UCHL3: variants seen among roughly 807,000 people sequenced by gnomAD.
UCHL3 encodes ubiquitin C-terminal hydrolase L3.
UCHL3 carries 22 observed loss-of-function variants against 35.8 expected under a neutral mutation model. That is an observed-to-expected ratio of 0.61 (90% CI 0.44 to 0.88). The LOEUF (loss-of-function observed/expected upper bound fraction) is 0.88. Among genes scored for constraint, UCHL3 ranks in the 40% least tolerant of loss-of-function variants. UCHL3 has a pLI of 0.00. For missense variants in UCHL3, 229 were observed against 276.9 expected (o/e 0.83, Z 1.23); for synonymous variants, 90 against 92.8 (o/e 0.97, Z 0.17).
chr13:75,594,841 A>G, intron 6 of UCHL3, 74 bp from the exon 7 acceptor site: 3 of 1,007,070 alleles, frequency 3.0e-6, no homozygotes, highest in Non-Finnish European at 4.5e-6. Flanking sequence ...TGTTATTTGT[A>G]TGTGTTTATG....
intron 7 of UCHL3, among the ~76,000 whole-genome samples, chr13:75,602,415 G>T (rs1287208958): frequency 6.6e-6 from 1 of 152,188 alleles, no homozygotes; most frequent in African/African-American, 2.4e-5. Context: ...TCCCCGTCCA[G>T]CCTGGAAGTG....
intron 6 of UCHL3, among the ~76,000 whole-genome samples, chr13:75,585,660 G>T (rs978697705): frequency 1.3e-5 from 2 of 151,836 alleles, no homozygotes; most frequent in Non-Finnish European, 2.9e-5. Context: ...AAGATGATTA[G>T]GATTACTAAA....
At position 75,603,001 on chromosome 13, in the gene UCHL3, T is replaced by C. The variant is rs527668628; in HGVS notation, c.551-1768T>C. 3.5e-5 allele frequency among the ~76,000 whole-genome samples: 5 copies of C among 143,464 alleles called. No homozygotes were observed. The South Asian group carries it at 8.5e-4, about 24-fold the overall frequency. 94.1% of individuals were successfully genotyped at this position (143,464 alleles called of 152,430 possible). A position where few individuals can be genotyped will look rare whatever the true frequency, so the allele number is the denominator to read the frequency against. The stretch of plus-strand genomic sequence containing the variant: ...TTATTTTATTATGTTATTATTTTAT[T>C]TTTTTAGAGACAGAATCTCACTTTG... On this transcript the variant is annotated intron_variant, in intron 7 of 8. Transcript: ENST00000377595.
intron 2 of UCHL3, among the ~76,000 whole-genome samples, chr13:75,553,244 T>C (rs1359034342): frequency 6.6e-6 from 1 of 152,226 alleles, no homozygotes; most frequent in African/African-American, 2.4e-5. Flanking sequence ...TTGTAAACTT[T>C]CCACAAAGAA....
At chr13:75,560,690 A>G (rs2031461625) in intron 2 of UCHL3, 63 bp from the exon 3 acceptor site, 4 of 1,437,818 alleles carry the variant, frequency 2.8e-6, no homozygotes, top group Non-Finnish European at 3.8e-6. Context: ...TATGTATAGT[A>G]TACTAGTTTT....
At chr13:75,588,330 C>T (rs925289890) in intron 6 of UCHL3, among the ~76,000 whole-genome samples, 1 of 152,024 alleles carries the variant, frequency 6.6e-6, no homozygotes, top group Non-Finnish European at 1.5e-5. Context: ...GTCACCTCTC[C>T]TTCTATCTCT....
rs149728342 is a variant in UCHL3, at chr13:75,579,209, C to G, written c.474+9702C>G. 1.5e-4 allele frequency among the ~76,000 whole-genome samples: 23 copies of G among 152,072 alleles called. 1 individual carries two copies. In the East Asian group the frequency reaches 4.4e-3, roughly 29 times the overall value. On this transcript the variant is annotated intron_variant, in intron 6 of 8. Coordinates refer to ENST00000377595, the MANE Select transcript of UCHL3 (RefSeq NM_006002.5). ...GAGGATATTAGGAAGAAGCTTAGTTCTTAAATAATATAAAATTTAAGTTGC... is the reference window on the plus strand; with the variant it reads ...GAGGATATTAGGAAGAAGCTTAGTTGTTAAATAATATAAAATTTAAGTTGC...
At chr13:75,597,807 A>G (rs1192455283) in intron 7 of UCHL3, among the ~76,000 whole-genome samples, 1 of 152,212 alleles carries the variant, frequency 6.6e-6, no homozygotes, top group African/African-American at 2.4e-5. Context: ...TAATTTCTAT[A>G]GGATATCTAT....
rs1277514785 is a variant in UCHL3, at chr13:75,605,725, A to G, written c.610-4A>G. 6.2e-7 allele frequency: 1 copy of G among 1,611,194 alleles called. No homozygotes were observed. The highest frequency in any genetic ancestry group is 8.5e-7 in the Non-Finnish European group (1 of 1,179,098). On this transcript the variant is annotated splice_region_variant and splice_polypyrimidine_tract_variant and intron_variant, in intron 8 of 8. Coordinates refer to ENST00000377595, the MANE Select transcript of UCHL3 (RefSeq NM_006002.5). ...AAAATCATACTTTTTTTTTTCCTCCATAGGATGCCATAGAAGTTTGCAAGA... is the reference window on the plus strand; with the variant it reads ...AAAATCATACTTTTTTTTTTCCTCCGTAGGATGCCATAGAAGTTTGCAAGA...
Position 75,550,107 on chromosome 13 carries a change from C to T in UCHL3, c.54+120C>T. On this transcript the variant is annotated intron_variant, in intron 2 of 8. Transcript: ENST00000377595. ...CTGGGATTTAATTTCTTGAGGGCCC[C>T]TCTTGTTCGGCTTTACGCGGGTCCG... 6.6e-6 allele frequency: 10 copies of T among 1,506,764 alleles called. No homozygotes were observed. The South Asian group carries it at 7.9e-5, about 12-fold the overall frequency. 93.3% of individuals were successfully genotyped at this position (1,506,764 alleles called of 1,614,324 possible). A position where few individuals can be genotyped will look rare whatever the true frequency, so the allele number is the denominator to read the frequency against.
chr13:75,604,480 A>G lies in UCHL3; in HGVS notation c.551-289A>G, dbSNP rs932424738. On this transcript the variant is annotated intron_variant, in intron 7 of 8. Transcript: ENST00000377595. ...TAAAAGCTGGGGTGATAATTTTTAAAAAACTGACAATAATTTTGCGTATTA... is the reference window on the plus strand; with the variant it reads ...TAAAAGCTGGGGTGATAATTTTTAAGAAACTGACAATAATTTTGCGTATTA... 1.1e-5 allele frequency: 3 copies of G among 271,120 alleles called. No homozygotes were observed. The Admixed American group carries it at 1.6e-4, about 14-fold the overall frequency. The allele number at this position is 271,120 out of a possible 1,614,324, so 16.8% of individuals were successfully genotyped here.
chr13:75,575,363 TAAAAG>T (rs1292152314), intron 6 of UCHL3, among the ~76,000 whole-genome samples: 1 of 152,172 alleles, frequency 6.6e-6, no homozygotes, highest in Non-Finnish European at 1.5e-5. Flanking sequence ...ATTAAAAACA[TAAAAG>T]AAGAATGGGA....
intron 7 of UCHL3, among the ~76,000 whole-genome samples, chr13:75,600,877 G>GA (rs1376561423): frequency 1.3e-5 from 2 of 152,178 alleles, no homozygotes; most frequent in Admixed American, 1.3e-4. Context: ...AAACTTCCTG[G>GA]AAAGGATTCA....
chr13:75,583,921 T>C (rs576087905), intron 6 of UCHL3, among the ~76,000 whole-genome samples: 2 of 152,236 alleles, frequency 1.3e-5, no homozygotes, highest in East Asian at 3.9e-4. Flanking sequence ...TCATATCCAC[T>C]CTCTGCAGAC....
At chr13:75,579,768 T>C (rs1433973787) in intron 6 of UCHL3, among the ~76,000 whole-genome samples, 1 of 152,322 alleles carries the variant, frequency 6.6e-6, no homozygotes, top group South Asian at 2.1e-4. Context: ...TTGGTGATGG[T>C]GAAAGTTTTC....
In UCHL3 at chr13:75,604,119, C is replaced by G. The variant is rs114812350; in HGVS notation, c.551-650C>G. 2.3e-3 allele frequency among the ~76,000 whole-genome samples: 345 copies of G among 152,168 alleles called. 2 individuals are homozygous for G. Among genetic ancestry groups the G allele is most frequent in the African/African-American group, 8.0e-3 (331 of 41,546 alleles). ...ATGGATTGAACTTAATGAAGAGCCA[C>G]TTACAAGACATCTGAGATTATGGAT... On this transcript the variant is annotated intron_variant, in intron 7 of 8. Transcript: ENST00000377595.
At chr13:75,604,926 C>T (rs2032890343) in intron 8 of UCHL3, 99 bp downstream of exon 8, 2 of 960,626 alleles carry the variant, frequency 2.1e-6, no homozygotes, top group Non-Finnish European at 2.9e-6. Flanking sequence ...TATTTGGATA[C>T]TTCTTTATCC....
intron 6 of UCHL3, among the ~76,000 whole-genome samples, chr13:75,580,335 A>G (rs144711975): frequency 3.2e-4 from 48 of 152,328 alleles, no homozygotes; most frequent in Middle Eastern, 3.4e-3. Context: ...ATTTACTAAA[A>G]AATCTACAGA....
chr13:75,580,553 T>TC (rs1176678855), intron 6 of UCHL3, among the ~76,000 whole-genome samples: 3 of 151,860 alleles, frequency 2.0e-5, no homozygotes, highest in Admixed American at 6.6e-5. Context: ...TCTTGTCCTC[T>TC]CCCTCTCCCT....
Sources: gnomAD v4.1 joint callset for allele counts (sites outside exome capture counted in the v4.1 genomes callset) on GRCh38, gnomAD v4.1.1 for gene constraint, MANE v1.5 for transcripts, NCBI Gene and HGNC (gene_info 2026-07-23, HGNC 2026-07-21) for gene names.